SLC35A3: variants seen among roughly 807,000 people sequenced by gnomAD.
SLC35A3 encodes solute carrier family 35 member A3, also known as UDP-N-acetylglucosamine transporter.
A neutral mutation model predicts 39.0 loss-of-function variants in SLC35A3; 26 were observed. That is an observed-to-expected ratio of 0.67 (90% CI 0.49 to 0.92). The LOEUF is 0.92. Ranked by LOEUF, SLC35A3 falls within the 40% of genes least tolerant of loss-of-function variation. The probability of loss-of-function intolerance (pLI) is 0.00; values close to 1 mark genes in which losing one functional copy is unlikely to be tolerated. For synonymous variants in SLC35A3, 135 were observed against 133.1 expected (o/e 1.01, Z -0.10); for missense variants, 299 against 371.6 (o/e 0.80, Z 1.61).
intron 3 of SLC35A3, among the ~76,000 whole-genome samples, chr1:99,999,677 C>T (rs1483628130): frequency 6.6e-6 from 1 of 152,014 alleles, no homozygotes; most frequent in Non-Finnish European, 1.5e-5. Flanking sequence ...AACACTAGAA[C>T]TTATTCCTTC....
chr1:100,011,424 A>T lies in SLC35A3; in HGVS notation c.525A>T (p.Gly175=), dbSNP rs374048002. The change falls in exon 5 of 8, where the codon GGA becomes GGT. Residue 175 remains glycine (G), a synonymous_variant. Coordinates refer to ENST00000533028, the MANE Select transcript of SLC35A3 (RefSeq NM_012243.3). ...KELSAGSQFV[G]LMAVLTACFS... ...TTTCAGCTGGTTCTCAATTTGTAGG[A>T]CTCATGGCAGTTCTCACAGCATGTT... 2.5e-6 allele frequency: 4 copies of T among 1,584,294 alleles called. No individual in the cohort carries two copies. Among genetic ancestry groups the T allele is most frequent in the Non-Finnish European group, 3.4e-6 (4 of 1,159,960 alleles).
At chr1:99,999,500 AT>A in intron 3 of SLC35A3, 85 bp downstream of exon 3, 1 of 769,610 alleles carries the variant, frequency 1.3e-6, no homozygotes, top group Non-Finnish European at 2.0e-6. Context: ...TACATGTGGT[AT>A]TTTGATACAT....
In SLC35A3 at chr1:100,030,122, C is replaced by G. The variant is rs925630555; in HGVS notation, c.*7646C>G. On this transcript the variant is annotated 3_prime_UTR_variant, in exon 8 of 8. Coordinates refer to ENST00000533028, the MANE Select transcript of SLC35A3 (RefSeq NM_012243.3). ...TTCACTAGTGTTAGGATCACATTTTCCTCCCTTGGACCTGAGAATCAGGTG... is the reference window on the plus strand; with the variant it reads ...TTCACTAGTGTTAGGATCACATTTTGCTCCCTTGGACCTGAGAATCAGGTG... The G allele has an allele frequency of 6.6e-6, 1 of 152,156 alleles. No homozygotes were observed. The highest frequency in any genetic ancestry group is 2.4e-5 in the African/African-American group (1 of 41,446). 9.4% of individuals were successfully genotyped at this position (152,156 alleles called of 1,614,324 possible).
intron 1 of SLC35A3, among the ~76,000 whole-genome samples, chr1:99,971,593 C>T (rs1039327346): frequency 3.9e-5 from 6 of 152,206 alleles, no homozygotes; most frequent in African/African-American, 1.4e-4. Context: ...AGGCGTGAGC[C>T]ACCGCACCCG....
rs1342656220 is a variant in SLC35A3, at chr1:100,030,077, ATTTTGGCTCACAGTAG to A, written c.*7602_*7617del. The A allele has an allele frequency of 5.3e-5, 8 of 152,164 alleles. No individual in the cohort carries two copies. Among genetic ancestry groups the A allele is most frequent in the Non-Finnish European group, 1.2e-4 (8 of 68,016 alleles). The allele number at this position is 152,164 out of a possible 1,614,324, so 9.4% of individuals were successfully genotyped here. On this transcript the variant is annotated 3_prime_UTR_variant, in exon 8 of 8. Coordinates refer to ENST00000533028, the MANE Select transcript of SLC35A3 (RefSeq NM_012243.3). ...GAGCTAAAACCTGATACCAGTTGTT[ATTTTGGCTCACAGTAG>A]GGCTTCACTAGTGTTAGGATCACAT...
chr1:99,987,834 C>T (rs1002206467), intron 1 of SLC35A3, among the ~76,000 whole-genome samples: 37 of 152,040 alleles, frequency 2.4e-4, no homozygotes, highest in Admixed American at 6.6e-4. Flanking sequence ...AGAAGTTGGA[C>T]TCATGGAAAA....
At chr1:100,007,528 A>G (rs761345196) in intron 4 of SLC35A3, 13 of 160,154 alleles carry the variant, frequency 8.1e-5, no homozygotes, top group Non-Finnish European at 1.2e-4. Context: ...TATCTTTCTA[A>G]TGATTCCTTA....
At chr1:99,998,542 C>T (rs1557833541) in intron 2 of SLC35A3, among the ~76,000 whole-genome samples, 1 of 152,176 alleles carries the variant, frequency 6.6e-6, no homozygotes, top group East Asian at 1.9e-4. Flanking sequence ...ACCCCAGGGA[C>T]TTTTCCCTTC....
Position 100,017,833 on chromosome 1 carries a change from A to AT in SLC35A3, c.887+25dup, listed in dbSNP as rs778337201. On this transcript the variant is annotated intron_variant, in intron 7 of 7. Coordinates refer to ENST00000533028, the MANE Select transcript of SLC35A3 (RefSeq NM_012243.3). ...CCAACCAGGTAAAATGTTCTTTTCTATTTTTTTAAATCCCCAGAAGTATAT... is the reference window on the plus strand; with the variant it reads ...CCAACCAGGTAAAATGTTCTTTTCTATTTTTTTTAAATCCCCAGAAGTATAT... The AT allele has an allele frequency of 6.0e-6, 9 of 1,505,240 alleles. No homozygotes were observed. The highest frequency in any genetic ancestry group is 2.6e-5 in the South Asian group (2 of 78,018). The allele number at this position is 1,505,240 out of a possible 1,614,324, so 93.2% of individuals were successfully genotyped here.
At chr1:99,977,275 T>C (rs1657161610) in intron 1 of SLC35A3, among the ~76,000 whole-genome samples, 1 of 147,662 alleles carries the variant, frequency 6.8e-6, no homozygotes, top group African/African-American at 2.5e-5. Context: ...CCCAGCACTC[T>C]GGGAGGTAGA....
chr1:100,021,019 A>G (rs2101487490), intron 7 of SLC35A3, among the ~76,000 whole-genome samples: 1 of 152,350 alleles, frequency 6.6e-6, no homozygotes, highest in East Asian at 1.9e-4. Flanking sequence ...AAACAGGAGC[A>G]TGGCTTTGGA....
chr1:99,982,911 G>A (rs949849744), intron 1 of SLC35A3, among the ~76,000 whole-genome samples: 6 of 152,086 alleles, frequency 3.9e-5, no homozygotes, highest in Non-Finnish European at 5.9e-5. Flanking sequence ...AGATCGATTA[G>A]GGTGACAAAC....
At chr1:100,005,940 A>G (rs1177736471) in intron 3 of SLC35A3, among the ~76,000 whole-genome samples, 1 of 152,174 alleles carries the variant, frequency 6.6e-6, no homozygotes, top group East Asian at 1.9e-4. Context: ...TTACATTGAT[A>G]TCTGTGCATC....
At chr1:99,970,354 G>A (rs1217370008) in intron 1 of SLC35A3, 192 bp downstream of exon 1, 1 of 591,006 alleles carries the variant, frequency 1.7e-6, no homozygotes, top group Non-Finnish European at 3.0e-6. Flanking sequence ...AGCAGATGAG[G>A]TGACACGTTG....
intron 3 of SLC35A3, among the ~76,000 whole-genome samples, chr1:99,999,821 T>C (rs1264424997): frequency 6.6e-6 from 1 of 152,066 alleles, no homozygotes; most frequent in Admixed American, 6.6e-5. Flanking sequence ...CTTTTTTTTT[T>C]TAGCTTCCAC....
chr1:99,990,766 C>G (rs1004248281), intron 1 of SLC35A3, among the ~76,000 whole-genome samples: 4 of 152,090 alleles, frequency 2.6e-5, no homozygotes, highest in African/African-American at 9.7e-5. Context: ...TGTTGAAATC[C>G]TAACTCTCAA....
At chr1:99,989,737 G>T (rs1657965021) in intron 1 of SLC35A3, among the ~76,000 whole-genome samples, 1 of 152,046 alleles carries the variant, frequency 6.6e-6, no homozygotes, top group Non-Finnish European at 1.5e-5. Flanking sequence ...TTATTTTACA[G>T]TATCTTTGGA....
intron 1 of SLC35A3, among the ~76,000 whole-genome samples, chr1:99,988,115 AT>A (rs1339485761): frequency 6.6e-6 from 1 of 152,204 alleles, no homozygotes; most frequent in African/African-American, 2.4e-5. Context: ...AAATTCAATC[AT>A]ATAACTACCA....
intron 1 of SLC35A3, among the ~76,000 whole-genome samples, chr1:99,987,764 G>A (rs368161715): frequency 1.6e-4 from 25 of 152,074 alleles, no homozygotes; most frequent in African/African-American, 5.1e-4. Flanking sequence ...GATAGCTTGG[G>A]CTGTGAGAGC....
Sources: gnomAD v4.1 joint callset for allele counts (sites outside exome capture counted in the v4.1 genomes callset) on GRCh38, gnomAD v4.1.1 for gene constraint, MANE v1.5 for transcripts, NCBI Gene and HGNC (gene_info 2026-07-23, HGNC 2026-07-21) for gene names.